The following RIPOR3 variants were observed in gnomAD, a reference collection of about 807,000 sequenced individuals.
RIPOR3 encodes RIPOR family member 3, also known as family with sequence similarity 65 member C.
Under a neutral mutation model 114.3 loss-of-function variants are expected in RIPOR3, and 95 were observed. That is an observed-to-expected ratio of 0.83 (90% CI 0.70 to 0.99). The LOEUF is 0.99. Among genes scored for constraint, RIPOR3 ranks in the 50% least tolerant of loss-of-function variants. RIPOR3 has a pLI of 0.00. For missense variants in RIPOR3, 1,252 were observed against 1,266.9 expected (o/e 0.99, Z 0.18); for synonymous variants, 575 against 543.8 (o/e 1.06, Z -0.80).
chr20:50,628,894 A>T (rs559183328), intron 2 of RIPOR3, among the ~76,000 whole-genome samples: 1 of 152,220 alleles, frequency 6.6e-6, no homozygotes, highest in Non-Finnish European at 1.5e-5. Context: ...GGGAGGGCTG[A>T]CCTCAGGGGG....
intron 2 of RIPOR3, among the ~76,000 whole-genome samples, chr20:50,622,875 C>T (rs1449391244): frequency 6.6e-6 from 1 of 152,074 alleles, no homozygotes; most frequent in Non-Finnish European, 1.5e-5. Context: ...GATGCCAGGC[C>T]CAAAATGTGG....
intron 1 of RIPOR3, among the ~76,000 whole-genome samples, chr20:50,663,069 C>T (rs1160660833): frequency 6.7e-6 from 1 of 149,218 alleles, no homozygotes; most frequent in Non-Finnish European, 1.5e-5. Context: ...TGTACTCCAG[C>T]CCGGGTGACA....
At chr20:50,620,831 A>C in intron 2 of RIPOR3, 1 of 972,512 alleles carries the variant, frequency 1.0e-6, no homozygotes, top group South Asian at 1.3e-5. Flanking sequence ...GAGCAAGCCC[A>C]GGCACAGCCG....
chr20:50,644,153 T>C (rs900639862), intron 1 of RIPOR3, among the ~76,000 whole-genome samples: 8 of 152,024 alleles, frequency 5.3e-5, no homozygotes, highest in African/African-American at 1.7e-4. Flanking sequence ...AAAATAAAAA[T>C]GTCCCTTAGT....
chr20:50,587,964 C>CA, intron 20 of RIPOR3, 72 bp from the exon 21 acceptor site: 7 of 1,423,224 alleles, frequency 4.9e-6, no homozygotes, highest in Non-Finnish European at 5.9e-6. Flanking sequence ...ACTTAGTGGC[C>CA]CTGCAGGGCC....
At chr20:50,590,470 G>A (rs1432763814) in intron 19 of RIPOR3, among the ~76,000 whole-genome samples, 2 of 152,236 alleles carry the variant, frequency 1.3e-5, no homozygotes, top group African/African-American at 4.8e-5. Context: ...CGATGGAGGG[G>A]CCCAGGTGTA....
chr20:50,669,799 A>G (rs910272000), intron 1 of RIPOR3, among the ~76,000 whole-genome samples: 1 of 151,972 alleles, frequency 6.6e-6, no homozygotes, highest in Non-Finnish European at 1.5e-5. Flanking sequence ...AGGGACCTGC[A>G]GAAGGGTCTG....
At chr20:50,599,167 G>A (rs371449292) in intron 13 of RIPOR3, among the ~76,000 whole-genome samples, 16 of 151,642 alleles carry the variant, frequency 1.1e-4, no homozygotes, top group African/African-American at 3.2e-4. Flanking sequence ...CGAGGCAGGT[G>A]GATCACCTGA....
At chr20:50,632,399 G>T (rs1465132291) in intron 1 of RIPOR3, among the ~76,000 whole-genome samples, 1 of 152,240 alleles carries the variant, frequency 6.6e-6, no homozygotes, top group Non-Finnish European at 1.5e-5. Flanking sequence ...AGAGCTGGCT[G>T]TCTCTGTGCA....
chr20:50,627,544 G>A (rs1269183864), intron 2 of RIPOR3, among the ~76,000 whole-genome samples: 6 of 139,308 alleles, frequency 4.3e-5, no homozygotes, highest in Admixed American at 2.7e-4. Flanking sequence ...TTAGCCGGGC[G>A]TGGTGGCACG....
intron 2 of RIPOR3, among the ~76,000 whole-genome samples, chr20:50,623,522 C>T (rs766269114): frequency 1.4e-4 from 21 of 152,116 alleles, no homozygotes; most frequent in Non-Finnish European, 2.8e-4. Flanking sequence ...TGGGAGTCTG[C>T]AGAGGGGCCT....
rs777641909 is a variant in RIPOR3 at position 50,602,384 on chromosome 20, G to A, written c.1347C>T (p.Asp449=). 10 of 1,612,682 alleles carry A rather than the reference G, an allele frequency of 6.2e-6. No homozygotes were observed. Among genetic ancestry groups the A allele is most frequent in the African/African-American group, 2.7e-5 (2 of 74,938 alleles). ...CTGGCAGGAGACCTGGGGGCAGGGGGTCCTCCCGAGCCTCCTCTTCAATGG... is the reference window on the plus strand; with the variant it reads ...CTGGCAGGAGACCTGGGGGCAGGGGATCCTCCCGAGCCTCCTCTTCAATGG... The part of the protein sequence containing the change: ...HASIEEEARE[D]PLPPGLLPEM... Residue 449 remains aspartate (D), a synonymous_variant, in exon 13 of 22, where the codon GAC becomes GAT. Coordinates refer to ENST00000327979, the MANE Select transcript of RIPOR3 (RefSeq NM_001290268.2). This position sits in a 1 kb window ranked among gnomAD's most constrained non-coding sequence, Gnocchi z 4.3.
At chr20:50,628,520 C>T (rs550388212) in intron 2 of RIPOR3, among the ~76,000 whole-genome samples, 7 of 152,216 alleles carry the variant, frequency 4.6e-5, no homozygotes, top group South Asian at 4.2e-4. Context: ...TCTGCACACG[C>T]GCAGATCCAC....
intron 1 of RIPOR3, among the ~76,000 whole-genome samples, chr20:50,637,911 T>C (rs886409952): frequency 3.3e-5 from 5 of 151,566 alleles, no homozygotes; most frequent in African/African-American, 1.2e-4. Flanking sequence ...ATACATAAAT[T>C]ATTATTATTA....
In RIPOR3 at chr20:50,608,421, A is replaced by G; in HGVS notation, c.924T>C (p.Gly308=). The change falls in exon 11 of 22, where the codon GGT becomes GGC. Residue 308 remains glycine (G), a synonymous_variant. Transcript: ENST00000327979. ...QVIVVDITEL[G]TIKLQLEVQW... ...GCACCTCCAGCTGCAGCTTGATGGTACCCAACTCCGTGATGTCCACCACGA... is the reference window on the plus strand; with the variant it reads ...GCACCTCCAGCTGCAGCTTGATGGTGCCCAACTCCGTGATGTCCACCACGA... 2.5e-6 allele frequency: 4 copies of G among 1,613,892 alleles called. No homozygotes were observed. Among genetic ancestry groups the G allele is most frequent in the Non-Finnish European group, 3.4e-6 (4 of 1,179,912 alleles).
chr20:50,689,465 C>G (rs1003489899), intron 1 of RIPOR3, among the ~76,000 whole-genome samples: 4 of 152,158 alleles, frequency 2.6e-5, no homozygotes, highest in Non-Finnish European at 5.9e-5. Context: ...CGTGAGCCAC[C>G]GCGCCCAGCC....
chr20:50,603,920 G>C (rs1231916265), intron 12 of RIPOR3, among the ~76,000 whole-genome samples: 1 of 152,208 alleles, frequency 6.6e-6, no homozygotes, highest in African/African-American at 2.4e-5. Flanking sequence ...GGTGGCTCAT[G>C]CCTGTAATCC....
chr20:50,638,776 C>T (rs1221876673), intron 1 of RIPOR3, among the ~76,000 whole-genome samples: 4 of 152,100 alleles, frequency 2.6e-5, no homozygotes, highest in Non-Finnish European at 5.9e-5. Flanking sequence ...CCATCTCAAA[C>T]GTGCCTCACC....
chr20:50,672,824 C>T (rs2086564104), intron 1 of RIPOR3, among the ~76,000 whole-genome samples: 1 of 152,226 alleles, frequency 6.6e-6, no homozygotes, highest in Admixed American at 6.5e-5. Flanking sequence ...GAGGCGCACA[C>T]CTGTCCTCCC....
Sources: gnomAD v4.1 joint callset for allele counts (sites outside exome capture counted in the v4.1 genomes callset) on GRCh38, gnomAD v4.1.1 for gene constraint, Gnocchi (gnomAD v3.1) non-coding constraint, MANE v1.5 for transcripts, NCBI Gene and HGNC (gene_info 2026-07-23, HGNC 2026-07-21) for gene names.